Variants in AKAP19 observed in about 807,000 individuals in gnomAD.
AKAP19 encodes A-kinase anchoring protein 19, also known as small A-kinase anchoring protein.
chr2:190,045,910 C>T, the AKAP19 span, among the ~76,000 whole-genome samples: 2 of 152,102 alleles, frequency 1.3e-5, no homozygotes, highest in Non-Finnish European at 2.9e-5. Context: ...TCCACATAGC[C>T]GTGTCTGTCA....
chr2:189,908,718 T>C, the AKAP19 span, among the ~76,000 whole-genome samples: 25 of 152,202 alleles, frequency 1.6e-4, no homozygotes, highest in Non-Finnish European at 2.2e-4. Flanking sequence ...TTGGTAAATA[T>C]ATTTGATATG....
the AKAP19 span, among the ~76,000 whole-genome samples, chr2:190,160,196 A>G: frequency 3.9e-5 from 6 of 152,202 alleles, no homozygotes; most frequent in Non-Finnish European, 7.3e-5. Context: ...TGCTTTGCAA[A>G]CAACTACATA....
At chr2:190,023,203 A>C in the AKAP19 span, among the ~76,000 whole-genome samples, 1 of 152,168 alleles carries the variant, frequency 6.6e-6, no homozygotes, top group Non-Finnish European at 1.5e-5. Context: ...CTGCAAAATT[A>C]TGTGTTTTTA....
At chr2:190,195,113 C>T in the AKAP19 span, among the ~76,000 whole-genome samples, 1 of 152,168 alleles carries the variant, frequency 6.6e-6, no homozygotes, top group African/African-American at 2.4e-5. Flanking sequence ...ATACTCGCCT[C>T]AGCCTCCCAA....
At chr2:190,146,975 A>AT in the AKAP19 span, among the ~76,000 whole-genome samples, 1 of 152,100 alleles carries the variant, frequency 6.6e-6, no homozygotes, top group African/African-American at 2.4e-5. Context: ...CTGACTGTTC[A>AT]TTTTGGCGTG....
At chr2:190,021,214 G>A in the AKAP19 span, among the ~76,000 whole-genome samples, 1 of 151,784 alleles carries the variant, frequency 6.6e-6, no homozygotes, top group African/African-American at 2.4e-5. Flanking sequence ...TGTGATTTTT[G>A]TTTCCAATTA....
the AKAP19 span, among the ~76,000 whole-genome samples, chr2:190,098,708 A>G: frequency 5.9e-5 from 9 of 152,200 alleles, no homozygotes; most frequent in South Asian, 4.1e-4. Context: ...CTCTCTAGCT[A>G]TGAAAGTCCT....
At chr2:189,951,357 G>A in the AKAP19 span, among the ~76,000 whole-genome samples, 31 of 151,694 alleles carry the variant, frequency 2.0e-4, no homozygotes, top group Admixed American at 1.7e-3. Context: ...ATGTGCCAGC[G>A]CACCCGGCTA....
At chr2:190,144,171 T>G in the AKAP19 span, among the ~76,000 whole-genome samples, 4 of 51,738 alleles carry the variant, frequency 7.7e-5, no homozygotes, top group Non-Finnish European at 1.9e-4. Flanking sequence ...TAAAGTATAA[T>G]AAAAGAAAAG....
At chr2:190,172,065 C>G in the AKAP19 span, among the ~76,000 whole-genome samples, 4 of 152,212 alleles carry the variant, frequency 2.6e-5, no homozygotes, top group Non-Finnish European at 2.9e-5. Context: ...ACATGCCTTG[C>G]TAGTTATTCT....
At chr2:189,938,494 A>G in the AKAP19 span, among the ~76,000 whole-genome samples, 5 of 152,208 alleles carry the variant, frequency 3.3e-5, no homozygotes, top group Non-Finnish European at 7.3e-5. Context: ...CAAACATCGC[A>G]TGTTCTCACT....
chr2:189,881,395 G>A, the AKAP19 span, among the ~76,000 whole-genome samples: 3 of 152,146 alleles, frequency 2.0e-5, no homozygotes, highest in African/African-American at 7.2e-5. Context: ...TTTCCTAGAT[G>A]AGTAGATCCT....
chr2:190,150,434 T>C, the AKAP19 span: 1 of 152,178 alleles, frequency 6.6e-6, no homozygotes, highest in East Asian at 1.9e-4. Flanking sequence ...GCTCTCCAAA[T>C]TGACTCAGCT....
At chr2:189,998,645 A>G in the AKAP19 span, among the ~76,000 whole-genome samples, 6 of 151,754 alleles carry the variant, frequency 4.0e-5, no homozygotes, top group African/African-American at 1.4e-4. Flanking sequence ...TTATTTTTTG[A>G]TCAGTCTAGA....
the AKAP19 span, among the ~76,000 whole-genome samples, chr2:190,111,323 T>C: frequency 6.6e-6 from 1 of 152,190 alleles, no homozygotes; most frequent in Admixed American, 6.5e-5. Flanking sequence ...TTCCTTCTCA[T>C]GGCTGAGTCC....
chr2:190,009,262 C>T, the AKAP19 span, among the ~76,000 whole-genome samples: 1 of 152,100 alleles, frequency 6.6e-6, no homozygotes, highest in African/African-American at 2.4e-5. Context: ...GATATTATTA[C>T]TCAACTTCTG....
the AKAP19 span, chr2:190,062,219 C>T: frequency 8.1e-6 from 13 of 1,612,708 alleles, no homozygotes; most frequent in South Asian, 1.1e-5. Context: ...AATAGGACTA[C>T]TTACACTCTG....
chr2:190,081,455 TC>T, the AKAP19 span, among the ~76,000 whole-genome samples: 4 of 152,104 alleles, frequency 2.6e-5, no homozygotes, highest in Admixed American at 2.0e-4. Flanking sequence ...CTCATTCTTT[TC>T]CCCTGAAAAT....
At chr2:189,923,994 C>A in the AKAP19 span, 4 of 1,596,830 alleles carry the variant, frequency 2.5e-6, no homozygotes, top group Non-Finnish European at 3.4e-6. Context: ...AATGTTAAGT[C>A]AGAAGAGGAG....
Sources: gnomAD v4.1 joint callset for allele counts (sites outside exome capture counted in the v4.1 genomes callset) on GRCh38, gnomAD v4.1.1 for gene constraint, MANE v1.5 for transcripts, NCBI Gene and HGNC (gene_info 2026-07-23, HGNC 2026-07-21) for gene names.